Variants in PIK3CB observed in about 807,000 individuals in gnomAD.
The protein encoded by PIK3CB is phosphatidylinositol-4,5-bisphosphate 3-kinase catalytic subunit beta.
Under a neutral mutation model 136.8 loss-of-function variants are expected in PIK3CB, and 39 were observed. The ratio of observed to expected loss-of-function variants is 0.29; its 90% CI spans 0.22 to 0.37. The LOEUF is 0.37. PIK3CB is among the 10% of genes least tolerant of loss of function. The pLI is 1.00. For missense variants in PIK3CB, 868 were observed against 1,275.4 expected, an observed-to-expected ratio of 0.68 and a Z score of 4.87; for synonymous variants, 428 against 436.6, an observed-to-expected ratio of 0.98 and a Z score of 0.25.
chr3:138,667,258 G>A lies in PIK3CB; in HGVS notation c.2505-2055C>T, dbSNP rs114202026. Among the ~76,000 whole-genome samples, 645 of 151,212 alleles carry A rather than the reference G, an allele frequency of 4.3e-3. 7 individuals are homozygous for A. Among genetic ancestry groups the A allele is most frequent in the African/African-American group, 0.014 (572 of 41,250 alleles). On this transcript the variant is annotated intron_variant, in intron 19 of 23. Transcript: ENST00000674063. ...CTTCCATGTGGAGGAATGACAGCAG[G>A]GCTGGAGGAGAGCACAAGGGGGAGC...
chr3:138,784,873 T>C (rs1206638758), intron 2 of PIK3CB, among the ~76,000 whole-genome samples: 3 of 150,804 alleles, frequency 2.0e-5, no homozygotes, highest in Non-Finnish European at 4.4e-5. Context: ...GTGAGGAGCG[T>C]CTCCCTGGCC....
intron 1 of PIK3CB, among the ~76,000 whole-genome samples, chr3:138,833,066 AT>A (rs553084744): frequency 0.015 from 2,114 of 142,768 alleles, 24 homozygotes; most frequent in African/African-American, 0.021. Flanking sequence ...TCTCAAAAAG[AT>A]TTTTTTTTTT....
At chr3:138,714,857 A>G in intron 8 of PIK3CB, 138 bp from the exon 9 acceptor site, 1 of 778,314 alleles carries the variant, frequency 1.3e-6, no homozygotes, top group Middle Eastern at 2.5e-4. Context: ...GGAAGAAGAA[A>G]CATGCCAAGT....
chr3:138,693,970 A>ATAT (rs1559819884), intron 14 of PIK3CB, among the ~76,000 whole-genome samples: 45 of 85,410 alleles, frequency 5.3e-4, no homozygotes, highest in Non-Finnish European at 9.1e-4. Context: ...TATATATTAT[A>ATAT]TATATATATA....
intron 2 of PIK3CB, among the ~76,000 whole-genome samples, chr3:138,785,669 G>A (rs1460659196): frequency 3.9e-5 from 6 of 152,022 alleles, no homozygotes; most frequent in Admixed American, 1.3e-4. Context: ...ACCCAGGGAC[G>A]CAAACGCTGC....
chr3:138,734,534 CAGA>C, intron 7 of PIK3CB, 97 bp downstream of exon 7: 1 of 795,814 alleles, frequency 1.3e-6, no homozygotes, highest in Non-Finnish European at 1.9e-6. Context: ...TTGGTTTTCA[CAGA>C]AGGAGAAGTG....
intron 21 of PIK3CB, among the ~76,000 whole-genome samples, chr3:138,661,537 C>T (rs1215508036): frequency 1.3e-5 from 2 of 152,100 alleles, no homozygotes; most frequent in African/African-American, 4.8e-5. Context: ...TTTCTTAATT[C>T]CTTATTATTG....
At chr3:138,701,187 C>A (rs2044244346) in intron 12 of PIK3CB, among the ~76,000 whole-genome samples, 1 of 150,306 alleles carries the variant, frequency 6.7e-6, no homozygotes, top group African/African-American at 2.4e-5. Flanking sequence ...GGCCTATAGT[C>A]TTCAGAAATG....
chr3:138,760,055 G>C (rs1440275651), intron 2 of PIK3CB, among the ~76,000 whole-genome samples: 1 of 152,064 alleles, frequency 6.6e-6, no homozygotes, highest in East Asian at 1.9e-4. Flanking sequence ...CCGAGTAGCT[G>C]AGACTACAGG....
At chr3:138,749,122 G>A (rs1462302270) in intron 4 of PIK3CB, among the ~76,000 whole-genome samples, 1 of 152,134 alleles carries the variant, frequency 6.6e-6, no homozygotes, top group African/African-American at 2.4e-5. Context: ...AATTTGGGTG[G>A]AATGGCTGAA....
At chr3:138,796,738 T>C (rs2046113195) in intron 1 of PIK3CB, 171 bp from the exon 2 acceptor site, 1 of 152,174 alleles carries the variant, frequency 6.6e-6, no homozygotes, top group Non-Finnish European at 1.5e-5. Context: ...GCCATTTTCT[T>C]ATTGGATTGG....
chr3:138,815,788 G>A (rs1237099587), intron 1 of PIK3CB, among the ~76,000 whole-genome samples: 1 of 152,188 alleles, frequency 6.6e-6, no homozygotes, highest in Non-Finnish European at 1.5e-5. Context: ...AGAGACTTGA[G>A]CACCCATGGA....
intron 1 of PIK3CB, among the ~76,000 whole-genome samples, chr3:138,833,026 A>AT (rs907664595): frequency 1.3e-4 from 19 of 150,344 alleles, no homozygotes; most frequent in South Asian, 2.1e-4. Context: ...AACAACAATA[A>AT]TTTTTTTTTA....
At chr3:138,820,110 C>T (rs141889820) in intron 1 of PIK3CB, among the ~76,000 whole-genome samples, 35 of 152,310 alleles carry the variant, frequency 2.3e-4, no homozygotes, top group Non-Finnish European at 4.4e-4. Context: ...GGACACAAAA[C>T]AAATCTTTGC....
chr3:138,670,091 A>G (rs757606898), intron 19 of PIK3CB, among the ~76,000 whole-genome samples: 8 of 152,228 alleles, frequency 5.3e-5, no homozygotes, highest in Non-Finnish European at 8.8e-5. Context: ...TCAGCTAGAC[A>G]CTAGGTTTAT....
intron 4 of PIK3CB, among the ~76,000 whole-genome samples, chr3:138,746,426 C>T (rs1018672819): frequency 6.6e-6 from 1 of 151,942 alleles, no homozygotes; most frequent in Non-Finnish European, 1.5e-5. Flanking sequence ...TTTGGGAGGC[C>T]GAGGAGGGCG....
Position 138,739,716 on chromosome 3 carries a change from C to T in PIK3CB, c.622-1830G>A, listed in dbSNP as rs570466258. On this transcript the variant is annotated intron_variant, in intron 5 of 23. Transcript: ENST00000674063. ...AGGAGCTCAAGACCAGCCTGGCAAACACGGTGAAACCCTGCCTCTACTAAA... is the reference window on the plus strand; with the variant it reads ...AGGAGCTCAAGACCAGCCTGGCAAATACGGTGAAACCCTGCCTCTACTAAA... Among the ~76,000 whole-genome samples, 172 of 150,618 alleles carry T rather than the reference C, an allele frequency of 1.1e-3. 1 individual carries two copies. The highest frequency in any genetic ancestry group is 4.1e-3 in the African/African-American group (169 of 41,026).
intron 21 of PIK3CB, among the ~76,000 whole-genome samples, chr3:138,663,350 G>T (rs1392052267): frequency 6.6e-6 from 1 of 152,060 alleles, no homozygotes; most frequent in African/African-American, 2.4e-5. Flanking sequence ...TTCTTATATT[G>T]AAGAACAGGC....
Position 138,704,482 on chromosome 3 carries a change from C to T in PIK3CB, c.1542G>A (p.Lys514=). 2 of 1,606,294 alleles carry T rather than the reference C, an allele frequency of 1.2e-6. No homozygotes were observed. The highest frequency in any genetic ancestry group is 1.7e-6 in the Non-Finnish European group (2 of 1,173,112). Residue 514 remains lysine, a synonymous_variant, in exon 12 of 24, where the codon AAG becomes AAA. Coordinates refer to ENST00000674063, the MANE Select transcript of PIK3CB (RefSeq NM_006219.3). ...YYPPFDKIIE[K]AAEIASSDSA... ...TATCACTGCTTGCAATCTCAGCTGCCTTTTCAATAATCTGTTTAAAAAAAT... is the reference window on the plus strand; with the variant it reads ...TATCACTGCTTGCAATCTCAGCTGCTTTTTCAATAATCTGTTTAAAAAAAT...
Sources: allele counts gnomAD v4.1 joint callset (sites outside exome capture counted in the v4.1 genomes callset), GRCh38; gene constraint gnomAD v4.1.1; transcripts MANE v1.5; gene names NCBI Gene and HGNC (gene_info 2026-07-23, HGNC 2026-07-21).